The following PRMT9 variants were observed in gnomAD, a reference collection of about 807,000 sequenced individuals.
PRMT9 encodes protein arginine N-methyltransferase 9.
PRMT9 carries 59 observed loss-of-function variants against 83.2 expected under a neutral mutation model. The observed-to-expected ratio is 0.71, with a 90% CI of 0.57 to 0.88. The LOEUF is 0.88. PRMT9 is among the 40% of genes least tolerant of loss of function. The pLI, the probability that PRMT9 is intolerant of heterozygous loss-of-function variation, is 0.00. For missense variants in PRMT9, 947 were observed against 1,021.9 expected, an observed-to-expected ratio of 0.93 and a Z score of 1.00; for synonymous variants, 333 against 353.2, an observed-to-expected ratio of 0.94 and a Z score of 0.64.
At chr4:147,643,236 T>C (rs765547898) in intron 9 of PRMT9, among the ~76,000 whole-genome samples, 2 of 152,008 alleles carry the variant, frequency 1.3e-5, no homozygotes, top group East Asian at 1.9e-4. Context: ...CACTGCACTA[T>C]AGCCTGGGTG....
At chr4:147,672,376 T>C (rs1735795875) in intron 4 of PRMT9, among the ~76,000 whole-genome samples, 1 of 152,254 alleles carries the variant, frequency 6.6e-6, no homozygotes, top group South Asian at 2.1e-4. Flanking sequence ...ACTTTGTCTC[T>C]AAAATGACTA....
chr4:147,684,087 AAACAGCAC>A lies in PRMT9; in HGVS notation c.-108_-101del. ...TCCAGGGACCAGACAACTGCTCAAA[AAACAGCAC>A]AGCAAAGTTACCCTCCGCCGCGGGT... On this transcript the variant is annotated 5_prime_UTR_variant, in exon 1 of 12. Coordinates refer to ENST00000322396, the MANE Select transcript of PRMT9 (RefSeq NM_138364.4). The A allele has an allele frequency of 7.6e-7, 1 of 1,317,776 alleles. No homozygotes were observed. Among genetic ancestry groups the A allele is most frequent in the Non-Finnish European group, 1.1e-6 (1 of 943,710 alleles). The allele number at this position is 1,317,776 out of a possible 1,614,324, so 81.6% of individuals were successfully genotyped here.
intron 9 of PRMT9, among the ~76,000 whole-genome samples, chr4:147,651,785 A>T (rs555926303): frequency 6.6e-6 from 1 of 152,326 alleles, no homozygotes; most frequent in Admixed American, 6.5e-5. Flanking sequence ...AAACTCATAG[A>T]AACAGAAAGT....
chr4:147,652,598 A>T (rs898162138), intron 9 of PRMT9, among the ~76,000 whole-genome samples: 6 of 151,982 alleles, frequency 3.9e-5, no homozygotes, highest in Admixed American at 3.9e-4. Flanking sequence ...AAGTGGAAAA[A>T]TCACTTGAGC....
rs1578867263 is a variant in PRMT9, at chr4:147,638,411, A to T, written c.*121T>A. ...GAATCTTTTAAAATATGCTTTATTA[A>T]TGTCAATTTTAAAAAATATTTGACC... On this transcript the variant is annotated 3_prime_UTR_variant, in exon 12 of 12. Coordinates refer to ENST00000322396, the MANE Select transcript of PRMT9 (RefSeq NM_138364.4). 1.4e-6 allele frequency: 1 copy of T among 724,506 alleles called. No homozygotes were observed. Among genetic ancestry groups the T allele is most frequent in the South Asian group, 1.5e-5 (1 of 65,214 alleles). 44.9% of individuals were successfully genotyped at this position (724,506 alleles called of 1,614,324 possible).
intron 9 of PRMT9, among the ~76,000 whole-genome samples, chr4:147,648,094 T>A (rs1416500309): frequency 6.6e-6 from 1 of 152,206 alleles, no homozygotes; most frequent in Non-Finnish European, 1.5e-5. Flanking sequence ...CTGGTCTTCA[T>A]CTTGTTTCCT....
chr4:147,682,162 C>T (rs1441469947), intron 1 of PRMT9, among the ~76,000 whole-genome samples: 2 of 152,016 alleles, frequency 1.3e-5, no homozygotes, highest in Non-Finnish European at 2.9e-5. Context: ...CATGCCACCA[C>T]GCCCAGCTAA....
At chr4:147,650,280 AAAAC>A (rs1293549254) in intron 9 of PRMT9, among the ~76,000 whole-genome samples, 3 of 152,256 alleles carry the variant, frequency 2.0e-5, no homozygotes, top group Non-Finnish European at 4.4e-5. Flanking sequence ...ACTCTAAAGA[AAAAC>A]AACAACAAAA....
chr4:147,656,863 G>C (rs1734543295), intron 8 of PRMT9, among the ~76,000 whole-genome samples: 1 of 150,446 alleles, frequency 6.6e-6, no homozygotes, highest in Non-Finnish European at 1.5e-5. Context: ...CTGGCCTCAA[G>C]CAATCCTCCC....
intron 9 of PRMT9, among the ~76,000 whole-genome samples, chr4:147,646,563 A>G (rs1450302816): frequency 1.3e-5 from 2 of 149,738 alleles, no homozygotes; most frequent in East Asian, 4.0e-4. Flanking sequence ...GCAGTGAGCC[A>G]TGATCATGCC....
intron 8 of PRMT9, among the ~76,000 whole-genome samples, chr4:147,657,545 G>T (rs1457406718): frequency 6.6e-6 from 1 of 150,534 alleles, no homozygotes; most frequent in African/African-American, 2.4e-5. Context: ...AAAGAAAAAA[G>T]AAAAATCAGA....
chr4:147,665,689 C>T (rs1735280758), intron 6 of PRMT9, among the ~76,000 whole-genome samples: 1 of 152,206 alleles, frequency 6.6e-6, no homozygotes, highest in Non-Finnish European at 1.5e-5. Flanking sequence ...GATCTGGGTT[C>T]TAGGTATGCT....
At chr4:147,641,610 G>A (rs1733401929) in intron 10 of PRMT9, among the ~76,000 whole-genome samples, 1 of 152,134 alleles carries the variant, frequency 6.6e-6, no homozygotes, top group African/African-American at 2.4e-5. Context: ...AAATCCACGA[G>A]AGAGTAAACT....
At chr4:147,641,455 C>T (rs1733392747) in intron 10 of PRMT9, among the ~76,000 whole-genome samples, 1 of 152,116 alleles carries the variant, frequency 6.6e-6, no homozygotes, top group Non-Finnish European at 1.5e-5. Flanking sequence ...TTATCACTTA[C>T]CCATGAGTCC....
At chr4:147,661,789 CAAAAAAAA>C (rs70958573) in intron 6 of PRMT9, among the ~76,000 whole-genome samples, 26 of 60,232 alleles carry the variant, frequency 4.3e-4, no homozygotes, top group South Asian at 8.6e-4. Flanking sequence ...GACTCCATCT[CAAAAAAAA>C]AAAAAAAAAA....
chr4:147,644,963 G>T (rs1453544356), intron 9 of PRMT9, among the ~76,000 whole-genome samples: 4 of 152,126 alleles, frequency 2.6e-5, no homozygotes, highest in Non-Finnish European at 4.4e-5. Context: ...GTTCCTACTT[G>T]AATTTCTAGA....
chr4:147,662,663 G>C (rs1424068392), intron 6 of PRMT9, among the ~76,000 whole-genome samples: 1 of 152,118 alleles, frequency 6.6e-6, no homozygotes, highest in African/African-American at 2.4e-5. Flanking sequence ...GCCAGGTATG[G>C]TGGTGTGTGC....
intron 9 of PRMT9, among the ~76,000 whole-genome samples, chr4:147,646,612 T>TA (rs1361703445): frequency 8.9e-5 from 3 of 33,772 alleles, no homozygotes; most frequent in East Asian, 1.6e-3. Flanking sequence ...AGAGCCTGCC[T>TA]AAAAAAAATA....
At chr4:147,642,342 G>T (rs192694175) in intron 10 of PRMT9, among the ~76,000 whole-genome samples, 2 of 151,818 alleles carry the variant, frequency 1.3e-5, no homozygotes, top group East Asian at 3.9e-4. Flanking sequence ...GAGTTCAAGC[G>T]ATTCTCCCAC....
Sources: allele counts gnomAD v4.1 joint callset (sites outside exome capture counted in the v4.1 genomes callset), GRCh38; gene constraint gnomAD v4.1.1; transcripts MANE v1.5; gene names NCBI Gene and HGNC (gene_info 2026-07-23, HGNC 2026-07-21).